The following MCPH1 variants were observed in gnomAD, a reference collection of about 807,000 sequenced individuals.
MCPH1 encodes the protein microcephalin 1, also known as microcephalin.
In MCPH1, 104 loss-of-function variants were observed where a neutral mutation model predicts 84.5. The observed-to-expected ratio is 1.23, with a 90% CI of 1.05 to 1.45. The LOEUF (loss-of-function observed/expected upper bound fraction) is 1.45. Ranked by LOEUF, MCPH1 falls within the 40% of genes most tolerant of loss-of-function variation. The pLI, the probability that MCPH1 is intolerant of heterozygous loss-of-function variation, is 0.00. For missense variants in MCPH1, 1,498 were observed against 1,005.7 expected (o/e 1.49, Z -6.62); for synonymous variants, 514 against 366.8 (o/e 1.40, Z -4.58).
chr8:6,498,494 T>G (rs1811550831), intron 11 of MCPH1, among the ~76,000 whole-genome samples: 1 of 152,238 alleles, frequency 6.6e-6, no homozygotes, highest in South Asian at 2.1e-4. Flanking sequence ...GAACTCTACT[T>G]TAGCTTCTTA....
chr8:6,592,447 C>T (rs1208360961), intron 12 of MCPH1, among the ~76,000 whole-genome samples: 2 of 151,438 alleles, frequency 1.3e-5, no homozygotes, highest in African/African-American at 4.9e-5. Flanking sequence ...TTGTGTTTTT[C>T]ATAAATTAAA....
chr8:6,579,244 T>A (rs1183313861), intron 12 of MCPH1, among the ~76,000 whole-genome samples: 1 of 152,218 alleles, frequency 6.6e-6, no homozygotes, highest in African/African-American at 2.4e-5. Context: ...TGAAGTGACA[T>A]CGGCAGAGTT....
In MCPH1 at chr8:6,455,862, A is replaced by C. The variant is rs1805616850; in HGVS notation, c.1935+610A>C. On this transcript the variant is annotated intron_variant, in intron 9 of 13. Coordinates refer to ENST00000344683, the MANE Select transcript of MCPH1 (RefSeq NM_024596.5). ...TTGTGCCTCATTTTTATGAGGCCAA[A>C]AAAGTATAATGTAGTGAAACCTGAA... Among the ~76,000 whole-genome samples, 3 of 152,196 alleles carry C rather than the reference A, an allele frequency of 2.0e-5. No homozygotes were observed. In the South Asian group the frequency reaches 6.2e-4, roughly 31 times the overall value.
chr8:6,419,334 C>A (rs913988238), intron 3 of MCPH1, among the ~76,000 whole-genome samples: 1 of 152,118 alleles, frequency 6.6e-6, no homozygotes, highest in Non-Finnish European at 1.5e-5. Context: ...GTCCTCTCAC[C>A]CCAGCCCTCC....
intron 8 of MCPH1, among the ~76,000 whole-genome samples, chr8:6,452,306 A>G (rs755001228): frequency 8.5e-5 from 13 of 152,250 alleles, no homozygotes; most frequent in Non-Finnish European, 1.9e-4. Flanking sequence ...ATCATTTACT[A>G]GCTTTCATTG....
intron 9 of MCPH1, among the ~76,000 whole-genome samples, chr8:6,465,375 T>C (rs1039188257): frequency 2.0e-5 from 3 of 152,220 alleles, no homozygotes; most frequent in Non-Finnish European, 4.4e-5. Context: ...CAAGTGACCC[T>C]GCCACTGCGC....
At chr8:6,419,025 T>G (rs1362914965) in intron 3 of MCPH1, among the ~76,000 whole-genome samples, 1 of 152,136 alleles carries the variant, frequency 6.6e-6, no homozygotes, top group African/African-American at 2.4e-5. Context: ...TGCTTCGTTG[T>G]TTTGCTTTTC....
Position 6,444,697 on chromosome 8 carries a change from G to C in MCPH1, c.975G>C (p.Thr325=). ...QKQAAGMSQE[T]FEEKYRLSPT... is the part of the protein sequence containing the mutation. The stretch of plus-strand genomic sequence containing the variant: ...AGGCTGCAGGTATGTCTCAGGAGAC[G>C]TTTGAAGAGAAGTATCGTTTGTCTC... Residue 325 remains threonine (T), a synonymous_variant, in exon 8 of 14, where the codon ACG becomes ACC. Transcript: ENST00000344683. The C allele has an allele frequency of 6.2e-7, 1 of 1,614,062 alleles. No individual in the cohort carries two copies. The highest frequency in any genetic ancestry group is 8.5e-7 in the Non-Finnish European group (1 of 1,180,012).
chr8:6,549,142 G>C (rs1212697148), intron 12 of MCPH1, among the ~76,000 whole-genome samples: 1 of 152,200 alleles, frequency 6.6e-6, no homozygotes, highest in Non-Finnish European at 1.5e-5. Flanking sequence ...AGAGATAGCA[G>C]TACAAGAAAA....
At chr8:6,553,610 C>G (rs959190799) in intron 12 of MCPH1, among the ~76,000 whole-genome samples, 1 of 152,070 alleles carries the variant, frequency 6.6e-6, no homozygotes, top group Non-Finnish European at 1.5e-5. Context: ...CATAGTTTGG[C>G]TAAATTCCTG....
At chr8:6,601,340 C>G (rs965343717) in intron 12 of MCPH1, among the ~76,000 whole-genome samples, 1 of 152,146 alleles carries the variant, frequency 6.6e-6, no homozygotes, top group African/African-American at 2.4e-5. Context: ...TTGAGCAAAG[C>G]CTTCAAGACC....
chr8:6,583,059 GTC>G (rs1301644613), intron 12 of MCPH1, among the ~76,000 whole-genome samples: 1 of 152,152 alleles, frequency 6.6e-6, no homozygotes, highest in Non-Finnish European at 1.5e-5. Context: ...CTGTTCTATA[GTC>G]AACCAAAACT....
At chr8:6,520,597 T>C (rs190058771) in intron 12 of MCPH1, among the ~76,000 whole-genome samples, 2 of 152,318 alleles carry the variant, frequency 1.3e-5, no homozygotes, top group African/African-American at 2.4e-5. Flanking sequence ...GATTTCACCA[T>C]GTTGGCCACG....
At chr8:6,543,010 T>TTGGGAATGCTGA (rs1293201320) in intron 12 of MCPH1, among the ~76,000 whole-genome samples, 1 of 152,152 alleles carries the variant, frequency 6.6e-6, no homozygotes, top group Non-Finnish European at 1.5e-5. Context: ...AGGAGCGGAC[T>TTGGGAATGCTGA]TGGGAATGCT....
rs1563220283 is a variant in MCPH1 at position 6,445,297 on chromosome 8, T to G, written c.1575T>G (p.Phe525Leu). ...KEDACPEGNGFSYTIEDPALP... is the reference protein window; with the variant it reads ...KEDACPEGNGLSYTIEDPALP... Reference sequence around the variant, plus strand: ...ACGCATGCCCAGAGGGAAATGGCTTTTCTTACACCATTGAGGACCCTGCTC... The same window carrying G: ...ACGCATGCCCAGAGGGAAATGGCTTGTCTTACACCATTGAGGACCCTGCTC... Residue 525 changes from phenylalanine to leucine, a missense_variant, in exon 8 of 14, where the codon TTT becomes TTG. Phe to Leu is a conservative substitution (Grantham distance 22, BLOSUM62 0). Coordinates refer to ENST00000344683, the MANE Select transcript of MCPH1 (RefSeq NM_024596.5). 6.2e-7 allele frequency: 1 copy of G among 1,614,260 alleles called. No individual in the cohort carries two copies. The highest frequency in any genetic ancestry group is 1.7e-5 in the Admixed American group (1 of 60,032).
At chr8:6,514,876 G>T in intron 12 of MCPH1, 2 of 979,100 alleles carry the variant, frequency 2.0e-6, no homozygotes, top group Non-Finnish European at 3.2e-6. Flanking sequence ...GCAGGACTCA[G>T]CCGAGAGGGT....
chr8:6,569,059 T>G (rs1210696657), intron 12 of MCPH1, among the ~76,000 whole-genome samples: 1 of 152,188 alleles, frequency 6.6e-6, no homozygotes, highest in African/African-American at 2.4e-5. Flanking sequence ...GCCATCCAAA[T>G]CAGTCAACAT....
intron 12 of MCPH1, among the ~76,000 whole-genome samples, chr8:6,610,610 A>G (rs1322982757): frequency 1.3e-5 from 2 of 152,184 alleles, no homozygotes; most frequent in East Asian, 3.9e-4. Context: ...CCCTGGTTTA[A>G]GGCTTTCTTT....
intron 9 of MCPH1, among the ~76,000 whole-genome samples, chr8:6,461,888 A>C (rs1585907377): frequency 6.6e-6 from 1 of 152,188 alleles, no homozygotes; most frequent in South Asian, 2.1e-4. Flanking sequence ...TTTTTTCTCC[A>C]AGTATTTGGT....
Sources: allele counts gnomAD v4.1 joint callset (sites outside exome capture counted in the v4.1 genomes callset), GRCh38; gene constraint gnomAD v4.1.1; transcripts MANE v1.5; gene names NCBI Gene and HGNC (gene_info 2026-07-23, HGNC 2026-07-21).